PLCE1: variants seen among roughly 807,000 people sequenced by gnomAD.
PLCE1 encodes the protein phospholipase C epsilon 1, also known as 1-phosphatidylinositol 4,5-bisphosphate phosphodiesterase epsilon-1.
In PLCE1, 119 loss-of-function variants were observed where a neutral mutation model predicts 242.8. The ratio of observed to expected loss-of-function variants is 0.49; its 90% CI spans 0.42 to 0.57. The LOEUF (loss-of-function observed/expected upper bound fraction) is 0.57. Among genes scored for constraint, PLCE1 ranks in the 20% least tolerant of loss-of-function variants. The probability of loss-of-function intolerance (pLI) is 0.00; values close to 1 mark genes in which losing one functional copy is unlikely to be tolerated. For synonymous variants in PLCE1, 945 were observed against 1,017.4 expected, an observed-to-expected ratio of 0.93 and a Z score of 1.35; for missense variants, 2,441 against 2,788.8, an observed-to-expected ratio of 0.88 and a Z score of 2.81.
At chr10:94,035,489 C>T (rs2061646042) in intron 2 of PLCE1, among the ~76,000 whole-genome samples, 1 of 152,156 alleles carries the variant, frequency 6.6e-6, no homozygotes, top group South Asian at 2.1e-4. Flanking sequence ...CTCTTCCCTG[C>T]TTCTTAGTCT....
intron 23 of PLCE1, among the ~76,000 whole-genome samples, chr10:94,296,686 A>G (rs1048608088): frequency 1.3e-5 from 2 of 152,210 alleles, no homozygotes; most frequent in African/African-American, 4.8e-5. Flanking sequence ...CATATCAGTA[A>G]TAAGGCTGTT....
rs748234743 is a variant in PLCE1 at position 94,234,205 on chromosome 10, G to T, written c.2107G>T (p.Val703Phe). The change falls in exon 6 of 33, where the codon GTT (valine) becomes TTT (phenylalanine). Residue 703 changes from valine to phenylalanine, a missense_variant. This residue lies in a region of PLCE1 where 733 missense variants were observed against 754.2 expected (regional missense o/e 0.97). Coordinates refer to ENST00000371380, the MANE Select transcript of PLCE1 (RefSeq NM_016341.4). ...RALHIPGCKV[V>F]PFCGVFLKEL... ...CCTGCACATCCCTGGCTGTAAGGTG[G>T]TTCCATTCTGTGGGGTGTTTCTGAA... 3.9e-5 allele frequency: 63 copies of T among 1,614,060 alleles called. No homozygotes were observed. The highest frequency in any genetic ancestry group is 4.7e-5 in the Non-Finnish European group (55 of 1,180,026).
chr10:94,029,943 G>A (rs573298154), intron 1 of PLCE1, among the ~76,000 whole-genome samples: 33 of 152,208 alleles, frequency 2.2e-4, no homozygotes, highest in African/African-American at 7.2e-4. Context: ...TTTCCACATT[G>A]GATAGAAATT....
intron 16 of PLCE1, 140 bp from the exon 17 acceptor site, chr10:94,268,789 T>C (rs1033082252): frequency 5.8e-5 from 39 of 673,764 alleles, no homozygotes; most frequent in Non-Finnish European, 1.0e-4. Context: ...AAAAATGCCA[T>C]GTTTGTTTTA....
chr10:94,023,665 T>C (rs765268811), intron 1 of PLCE1, among the ~76,000 whole-genome samples: 7 of 152,198 alleles, frequency 4.6e-5, no homozygotes, highest in Non-Finnish European at 5.9e-5. Context: ...TAACCTGTTA[T>C]GGACAAACTT....
intron 4 of PLCE1, among the ~76,000 whole-genome samples, chr10:94,186,657 A>AT (rs1231235805): frequency 1.3e-5 from 2 of 152,162 alleles, no homozygotes; most frequent in Non-Finnish European, 2.9e-5. Context: ...CTAACAGAAC[A>AT]TTTTTTCAAC....
intron 4 of PLCE1, among the ~76,000 whole-genome samples, chr10:94,221,029 G>A (rs975578414): frequency 1.3e-5 from 2 of 152,190 alleles, no homozygotes; most frequent in Non-Finnish European, 2.9e-5. Flanking sequence ...ACAATTTTGC[G>A]CTGGTACTAC....
At chr10:94,121,450 G>A (rs775302137) in intron 2 of PLCE1, among the ~76,000 whole-genome samples, 4 of 152,182 alleles carry the variant, frequency 2.6e-5, no homozygotes, top group Non-Finnish European at 5.9e-5. Context: ...GGCTTTTGGG[G>A]GTAGGAAGTT....
At chr10:94,130,523 G>A (rs1041306823) in intron 2 of PLCE1, among the ~76,000 whole-genome samples, 4 of 152,124 alleles carry the variant, frequency 2.6e-5, no homozygotes, top group African/African-American at 7.2e-5. Context: ...AAACATTCAA[G>A]TCAGCTTGTT....
At chr10:94,169,525 T>C (rs1043683776) in intron 3 of PLCE1, among the ~76,000 whole-genome samples, 1 of 151,972 alleles carries the variant, frequency 6.6e-6, no homozygotes, top group Non-Finnish European at 1.5e-5. Context: ...ATGGAAGAAA[T>C]ATAAGGTATC....
At chr10:94,219,227 A>G (rs1442484233) in intron 4 of PLCE1, among the ~76,000 whole-genome samples, 1 of 152,122 alleles carries the variant, frequency 6.6e-6, no homozygotes, top group Admixed American at 6.5e-5. Context: ...AAGTCAAGAT[A>G]TATTTGTCAA....
chr10:94,212,908 C>T (rs997289234), intron 4 of PLCE1, among the ~76,000 whole-genome samples: 1 of 152,204 alleles, frequency 6.6e-6, no homozygotes, highest in Admixed American at 6.5e-5. Flanking sequence ...TCAATCTGCT[C>T]ATCAAGATTT....
intron 2 of PLCE1, among the ~76,000 whole-genome samples, chr10:94,059,943 A>G (rs955043352): frequency 1.3e-5 from 2 of 152,138 alleles, no homozygotes; most frequent in African/African-American, 2.4e-5. Context: ...TGAAGAAGGT[A>G]CCTGGGTTTG....
At chr10:94,014,828 C>G (rs991121197) in intron 1 of PLCE1, among the ~76,000 whole-genome samples, 2 of 152,304 alleles carry the variant, frequency 1.3e-5, no homozygotes, top group African/African-American at 4.8e-5. Context: ...ATCTCTTTTC[C>G]CCTTCCTGAA....
chr10:94,085,518 T>G (rs1408898242), intron 2 of PLCE1, among the ~76,000 whole-genome samples: 1 of 152,144 alleles, frequency 6.6e-6, no homozygotes, highest in Non-Finnish European at 1.5e-5. Context: ...CATCCCGAGT[T>G]CCTGCAGACA....
At chr10:94,142,303 G>A (rs1738829982) in intron 3 of PLCE1, among the ~76,000 whole-genome samples, 2 of 151,356 alleles carry the variant, frequency 1.3e-5, no homozygotes, top group South Asian at 4.2e-4. Context: ...GATCACGTTA[G>A]GCCAGGAGTT....
intron 4 of PLCE1, among the ~76,000 whole-genome samples, chr10:94,206,075 A>C (rs937326038): frequency 6.6e-6 from 1 of 152,194 alleles, no homozygotes; most frequent in East Asian, 1.9e-4. Flanking sequence ...AGGGAGAAAA[A>C]TAAAGCAAGG....
rs545544484 is a variant in PLCE1, at chr10:94,118,087, A to G, written c.1207-14087A>G. ...GCTAAAACCATATTTTTGGAATGTA[A>G]ATTGGAAGGTTTTTTAAAAAAAGTT... On this transcript the variant is annotated intron_variant, in intron 2 of 32. Coordinates refer to ENST00000371380, the MANE Select transcript of PLCE1 (RefSeq NM_016341.4). 3.3e-5 allele frequency among the ~76,000 whole-genome samples: 5 copies of G among 152,306 alleles called. No homozygotes were observed. The South Asian group carries it at 1.0e-3, about 32-fold the overall frequency.
chr10:94,045,882 C>G (rs1365671107), intron 2 of PLCE1, among the ~76,000 whole-genome samples: 1 of 151,770 alleles, frequency 6.6e-6, no homozygotes, highest in Non-Finnish European at 1.5e-5. Flanking sequence ...GGGTGGATCA[C>G]AAGGTCAGGA....
Sources: gnomAD v4.1 joint callset for allele counts (sites outside exome capture counted in the v4.1 genomes callset) on GRCh38, gnomAD v4.1.1 for gene constraint, gnomAD v4.1.1 regional missense constraint, MANE v1.5 for transcripts, NCBI Gene and HGNC (gene_info 2026-07-23, HGNC 2026-07-21) for gene names.